PCDH11X: variants seen among roughly 807,000 people sequenced by gnomAD.
The protein encoded by PCDH11X is protocadherin-11 X-linked.
In PCDH11X, 18 loss-of-function variants were observed where a neutral mutation model predicts 53.3. That is an observed-to-expected ratio of 0.34 (90% CI 0.23 to 0.50). PCDH11X has a LOEUF of 0.50. Among genes scored for constraint, PCDH11X ranks in the 20% least tolerant of loss-of-function variants. The probability of loss-of-function intolerance (pLI) is 0.98; values close to 1 mark genes in which losing one functional copy is unlikely to be tolerated. For synonymous variants in PCDH11X, 279 were observed against 393.3 expected, an observed-to-expected ratio of 0.71 and a Z score of 3.44; for missense variants, 570 against 1,032.4, an observed-to-expected ratio of 0.55 and a Z score of 6.14.
intron 6 of PCDH11X, among the ~76,000 whole-genome samples, chrX:92,132,128 A>T (rs2064984824): frequency 1.0e-5 from 1 of 100,029 alleles, no homozygotes; most frequent in East Asian, 3.1e-4. Flanking sequence ...AAAAAAAAAA[A>T]AAAAAAATTA....
At chrX:92,460,831 C>T (rs35272868) in intron 9 of PCDH11X, 2 of 1,083,789 alleles carry the variant, frequency 1.8e-6, no homozygotes, top group Non-Finnish European at 2.5e-6. Flanking sequence ...GAGGACTTCA[C>T]TCTTGGTGAT....
intron 6 of PCDH11X, among the ~76,000 whole-genome samples, chrX:92,142,242 C>T (rs1245686096): frequency 6.5e-5 from 7 of 108,267 alleles, no homozygotes; most frequent in African/African-American, 2.3e-4. Context: ...CTGCAACCTC[C>T]GCCTACTGGG....
intron 6 of PCDH11X, among the ~76,000 whole-genome samples, chrX:92,013,040 G>T (rs1405130069): frequency 3.1e-4 from 35 of 111,313 alleles, no homozygotes; most frequent in Middle Eastern, 4.6e-3. Context: ...AGGCAATCAG[G>T]CAGGAGAAGG....
At chrX:92,410,257 T>G (rs1350767552) in intron 9 of PCDH11X, among the ~76,000 whole-genome samples, 1 of 109,934 alleles carries the variant, frequency 9.1e-6, no homozygotes, top group Non-Finnish European at 1.9e-5. Flanking sequence ...ATAAGCAATT[T>G]TCTCTTCTCC....
At chrX:92,248,895 G>T (rs972241215) in intron 7 of PCDH11X, among the ~76,000 whole-genome samples, 3 of 109,767 alleles carry the variant, frequency 2.7e-5, no homozygotes, top group African/African-American at 9.9e-5. Flanking sequence ...GTAGAGACAG[G>T]GTTTCACCAC....
intron 9 of PCDH11X, among the ~76,000 whole-genome samples, chrX:92,453,814 G>C (rs1312006390): frequency 2.7e-5 from 3 of 111,020 alleles, no homozygotes; most frequent in Non-Finnish European, 3.8e-5. Context: ...GGTGAAATTT[G>C]TGTGGTCTTT....
chrX:92,037,214 C>G (rs1215393975), intron 6 of PCDH11X, among the ~76,000 whole-genome samples: 1 of 109,719 alleles, frequency 9.1e-6, no homozygotes, highest in East Asian at 2.9e-4. Context: ...CCCCTCACCC[C>G]CTACCTCCCA....
intron 6 of PCDH11X, among the ~76,000 whole-genome samples, chrX:91,914,995 A>G (rs1941503180): frequency 9.0e-6 from 1 of 110,505 alleles, no homozygotes; most frequent in African/African-American, 3.3e-5. Context: ...GCTGTGAGAC[A>G]AAAGCATCAG....
intron 7 of PCDH11X, among the ~76,000 whole-genome samples, chrX:92,212,235 C>T (rs2066604083): frequency 8.9e-6 from 1 of 111,751 alleles, no homozygotes; most frequent in South Asian, 3.8e-4. Context: ...TGGTCTCAAA[C>T]TACTAGCCTC....
intron 9 of PCDH11X, among the ~76,000 whole-genome samples, chrX:92,423,236 T>C (rs2072019577): frequency 1.0e-5 from 1 of 97,598 alleles, no homozygotes; most frequent in African/African-American, 3.3e-5. Flanking sequence ...ATTAGTGATG[T>C]TGAGGCTTTT....
intron 8 of PCDH11X, among the ~76,000 whole-genome samples, chrX:92,350,547 G>A (rs540015796): frequency 1.8e-5 from 2 of 111,788 alleles, no homozygotes; most frequent in African/African-American, 6.5e-5. Flanking sequence ...ACAGAGTCCT[G>A]TGATGTGTAC....
At chrX:92,239,348 A>G in intron 7 of PCDH11X, among the ~76,000 whole-genome samples, 1 of 111,816 alleles carries the variant, frequency 8.9e-6, no homozygotes, top group Non-Finnish European at 1.9e-5. Flanking sequence ...ACTAATATAG[A>G]TGATCAGTCC....
intron 6 of PCDH11X, among the ~76,000 whole-genome samples, chrX:91,882,303 T>C (rs1448058429): frequency 9.1e-6 from 1 of 110,027 alleles, no homozygotes; most frequent in Non-Finnish European, 1.9e-5. Context: ...ATTAACACCT[T>C]TCAAAACAAG....
intron 9 of PCDH11X, among the ~76,000 whole-genome samples, chrX:92,407,167 A>G (rs1427990988): frequency 9.3e-6 from 1 of 107,924 alleles, no homozygotes; most frequent in African/African-American, 3.4e-5. Context: ...TGGCATATGT[A>G]AGTTTAGTCC....
At chrX:92,558,256 C>T (rs374128277) in intron 10 of PCDH11X, among the ~76,000 whole-genome samples, 1 of 110,287 alleles carries the variant, frequency 9.1e-6, no homozygotes, top group Admixed American at 9.7e-5. Flanking sequence ...TCCATCATAA[C>T]GCAGGTTGAG....
chrX:91,867,733 T>C (rs1323293267), intron 5 of PCDH11X, among the ~76,000 whole-genome samples: 1 of 111,283 alleles, frequency 9.0e-6, no homozygotes, highest in Non-Finnish European at 1.9e-5. Flanking sequence ...ACTTCAGTTA[T>C]CACTTATCCC....
intron 9 of PCDH11X, among the ~76,000 whole-genome samples, chrX:92,409,799 T>C (rs1470054874): frequency 8.9e-6 from 1 of 112,211 alleles, no homozygotes; most frequent in Non-Finnish European, 1.9e-5. Context: ...TGCTTTACTC[T>C]ACCTCATTTT....
At chrX:92,411,326 G>A (rs1392065637) in intron 9 of PCDH11X, among the ~76,000 whole-genome samples, 3 of 110,888 alleles carry the variant, frequency 2.7e-5, no homozygotes, top group Non-Finnish European at 5.7e-5. Flanking sequence ...TTGTTACATA[G>A]GTATACATGT....
At chrX:92,171,194 A>G (rs2065820236) in intron 6 of PCDH11X, among the ~76,000 whole-genome samples, 1 of 104,815 alleles carries the variant, frequency 9.5e-6, no homozygotes, top group African/African-American at 3.4e-5. Flanking sequence ...CAGGAAGTAT[A>G]CTCATTTTAC....
Sources: allele counts gnomAD v4.1 joint callset (sites outside exome capture counted in the v4.1 genomes callset), GRCh38; gene constraint gnomAD v4.1.1; transcripts MANE v1.5; gene names NCBI Gene and HGNC (gene_info 2026-07-23, HGNC 2026-07-21).